FAM184A: variants seen among roughly 807,000 people sequenced by gnomAD.
FAM184A encodes the protein protein FAM184A.
Under a neutral mutation model 143.8 loss-of-function variants are expected in FAM184A, and 99 were observed. That is an observed-to-expected ratio of 0.69 (90% CI 0.58 to 0.81). FAM184A has a LOEUF of 0.81. Ranked by LOEUF, FAM184A falls within the 40% of genes least tolerant of loss-of-function variation. The pLI, the probability that FAM184A is intolerant of heterozygous loss-of-function variation, is 0.00. For synonymous variants in FAM184A, 427 were observed against 446.4 expected, an observed-to-expected ratio of 0.96 and a Z score of 0.55; for missense variants, 1,217 against 1,310.5, an observed-to-expected ratio of 0.93 and a Z score of 1.10.
chr6:119,061,928 G>A (rs1787267628), intron 1 of FAM184A, among the ~76,000 whole-genome samples: 1 of 151,954 alleles, frequency 6.6e-6, no homozygotes, highest in African/African-American at 2.4e-5. Flanking sequence ...AAAAAATAGG[G>A]GCAAGGCATA....
At chr6:119,005,960 C>A in intron 7 of FAM184A, 1 of 590,536 alleles carries the variant, frequency 1.7e-6, no homozygotes, top group Non-Finnish European at 3.1e-6. Flanking sequence ...TGAACTGGGT[C>A]CCCAAAAAGA....
At chr6:119,144,102 T>C (rs1033239159) in intron 1 of FAM184A, among the ~76,000 whole-genome samples, 13 of 149,636 alleles carry the variant, frequency 8.7e-5, no homozygotes, top group Admixed American at 6.7e-4. Context: ...CCGAGGCGGG[T>C]GGATCACGAG....
At chr6:118,973,802 G>C (rs780906494) in intron 14 of FAM184A, among the ~76,000 whole-genome samples, 2 of 152,084 alleles carry the variant, frequency 1.3e-5, no homozygotes, top group East Asian at 3.8e-4. Context: ...AGAAACTTTG[G>C]TTTTAACAAT....
At chr6:119,031,097 T>A (rs1438569584) in intron 1 of FAM184A, among the ~76,000 whole-genome samples, 1 of 152,214 alleles carries the variant, frequency 6.6e-6, no homozygotes, top group Admixed American at 6.5e-5. Flanking sequence ...TTTTTTTTCC[T>A]ATGATAAATC....
At position 119,045,681 on chromosome 6, in the gene FAM184A, A is replaced by G. The variant is rs566406266; in HGVS notation, c.160-20868T>C. 2.0e-5 allele frequency among the ~76,000 whole-genome samples: 3 copies of G among 152,306 alleles called. 1 individual carries two copies. In the South Asian group the frequency reaches 6.2e-4, roughly 32 times the overall value. ...TATACAGATAGAAGATGCAAAATGC[A>G]CCACAGTGAAATTACTAATAAGAGC... is the stretch of plus-strand genomic sequence containing the variant. On this transcript the variant is annotated intron_variant, in intron 1 of 17. Coordinates refer to ENST00000338891, the MANE Select transcript of FAM184A (RefSeq NM_024581.6).
intron 9 of FAM184A, among the ~76,000 whole-genome samples, chr6:118,993,570 A>G (rs1784445957): frequency 6.6e-6 from 1 of 152,234 alleles, no homozygotes; most frequent in Admixed American, 6.5e-5. Context: ...GGTGCCTGGC[A>G]CAGGGTAAAT....
At chr6:119,045,116 G>T (rs1295709302) in intron 1 of FAM184A, among the ~76,000 whole-genome samples, 1 of 152,224 alleles carries the variant, frequency 6.6e-6, no homozygotes, top group African/African-American at 2.4e-5. Context: ...ATATTCTTAG[G>T]CAGAAGGGAA....
chr6:118,962,679 T>C (rs1783372608), intron 16 of FAM184A: 1 of 152,024 alleles, frequency 6.6e-6, no homozygotes. Flanking sequence ...AATCAGCTGA[T>C]TTTTTAATGT....
chr6:118,997,671 G>A (rs1784614707), intron 9 of FAM184A, among the ~76,000 whole-genome samples: 2 of 152,028 alleles, frequency 1.3e-5, no homozygotes, highest in African/African-American at 4.8e-5. Flanking sequence ...ACTTCAGCCT[G>A]GGTGACACAG....
chr6:119,147,070 T>G (rs914737726), intron 1 of FAM184A, among the ~76,000 whole-genome samples: 1 of 117,820 alleles, frequency 8.5e-6, no homozygotes, highest in Non-Finnish European at 1.9e-5. Flanking sequence ...CTCTGTTTTT[T>G]TTTTTTTTGT....
rs554162843 is a variant in FAM184A at position 118,968,653 on chromosome 6, A to C, written c.2916-1701T>G. On this transcript the variant is annotated intron_variant, in intron 14 of 17. Coordinates refer to ENST00000338891, the MANE Select transcript of FAM184A (RefSeq NM_024581.6). ...CACTTTCTTTTATCATTAAAAGCAAAGTACAAGATTTATGAACTGCTTCCC... is the reference window on the plus strand; with the variant it reads ...CACTTTCTTTTATCATTAAAAGCAACGTACAAGATTTATGAACTGCTTCCC... Among the ~76,000 whole-genome samples the C allele has an allele frequency of 7.9e-5, 12 of 152,352 alleles. 1 individual carries two copies. Among genetic ancestry groups the C allele is most frequent in the African/African-American group, 2.9e-4 (12 of 41,592 alleles).
chr6:119,112,624 C>T (rs750982444), intron 1 of FAM184A, among the ~76,000 whole-genome samples: 38 of 151,602 alleles, frequency 2.5e-4, no homozygotes, highest in Non-Finnish European at 4.4e-4. Context: ...CAATTCAGAT[C>T]GTCAGTGGCT....
intron 6 of FAM184A, among the ~76,000 whole-genome samples, chr6:119,008,424 C>G (rs896877851): frequency 6.6e-6 from 1 of 152,148 alleles, no homozygotes; most frequent in Non-Finnish European, 1.5e-5. Context: ...TCCACGTATA[C>G]CTCAGGGAAT....
chr6:118,999,201 G>T (rs1784670523), intron 9 of FAM184A, among the ~76,000 whole-genome samples: 1 of 152,112 alleles, frequency 6.6e-6, no homozygotes, highest in Admixed American at 6.5e-5. Context: ...AGGTTGAGGG[G>T]AGCTGGCGGT....
At chr6:119,095,330 A>G (rs745402602) in intron 1 of FAM184A, among the ~76,000 whole-genome samples, 2 of 152,202 alleles carry the variant, frequency 1.3e-5, no homozygotes, top group African/African-American at 2.4e-5. Context: ...GAAAGATCCT[A>G]GTGAGAGGCA....
At chr6:119,095,974 T>C (rs952846774) in intron 1 of FAM184A, among the ~76,000 whole-genome samples, 3 of 152,206 alleles carry the variant, frequency 2.0e-5, no homozygotes, top group African/African-American at 7.2e-5. Context: ...TCTTTCACAG[T>C]GGGTTCTTTT....
At position 118,975,184 on chromosome 6, in the gene FAM184A, T is replaced by C. The variant is rs1783809120; in HGVS notation, c.2608A>G (p.Thr870Ala). The C allele has an allele frequency of 6.2e-7, 1 of 1,604,588 alleles. No homozygotes were observed. The highest frequency in any genetic ancestry group is 1.3e-5 in the African/African-American group (1 of 74,432). ...TGTCTTAATTCCTCTTGTAGATCTG[T>C]AATTCTACATATGTGCTCCTTACTC... ...RQSKEHICRI[T>A]DLQEELRHRE... Residue 870 changes from threonine to alanine, a missense_variant, in exon 13 of 18, where the codon ACA (threonine) becomes GCA (alanine). Transcript: ENST00000338891.
upstream of FAM184A, among the ~76,000 whole-genome samples, chr6:119,081,715 G>C (rs1788071712): frequency 6.6e-6 from 1 of 152,210 alleles, no homozygotes; most frequent in Non-Finnish European, 1.5e-5. Context: ...TTTTCCCCTG[G>C]AGTTGGGCCA....
chr6:119,061,390 G>C (rs574873981), intron 1 of FAM184A, among the ~76,000 whole-genome samples: 2 of 151,966 alleles, frequency 1.3e-5, no homozygotes, highest in Non-Finnish European at 2.9e-5. Flanking sequence ...AGGTCACACT[G>C]TGTCATCCAG....
Sources: gnomAD v4.1 joint callset for allele counts (sites outside exome capture counted in the v4.1 genomes callset) on GRCh38, gnomAD v4.1.1 for gene constraint, MANE v1.5 for transcripts, NCBI Gene and HGNC (gene_info 2026-07-23, HGNC 2026-07-21) for gene names.